The following PROS1 variants were observed in gnomAD, a reference collection of about 807,000 sequenced individuals.
PROS1 encodes the protein vitamin K-dependent protein S.
A neutral mutation model predicts 75.9 loss-of-function variants in PROS1; 29 were observed. That is an observed-to-expected ratio of 0.38 (90% CI 0.28 to 0.52). The LOEUF (loss-of-function observed/expected upper bound fraction) is 0.52, where lower values mean the gene tolerates loss of function less well. Ranked by LOEUF, PROS1 falls within the 20% of genes least tolerant of loss-of-function variation. The probability of loss-of-function intolerance (pLI) is 0.83; values close to 1 mark genes in which losing one functional copy is unlikely to be tolerated. For missense variants in PROS1, 680 were observed against 810.3 expected (o/e 0.84, Z 1.95); for synonymous variants, 245 against 280.6 (o/e 0.87, Z 1.27).
intron 10 of PROS1, among the ~76,000 whole-genome samples, chr3:93,888,030 T>A (rs181987063): frequency 3.3e-5 from 5 of 152,340 alleles, no homozygotes; most frequent in Admixed American, 3.3e-4. Context: ...CTTTTGAACA[T>A]CACTGCTAGG....
intron 1 of PROS1, among the ~76,000 whole-genome samples, chr3:93,935,267 C>T (rs1474272523): frequency 6.6e-6 from 1 of 152,038 alleles, no homozygotes; most frequent in Admixed American, 6.6e-5. Flanking sequence ...CCTAATGCTA[C>T]AACAGGAGGT....
chr3:93,917,263 GTTTTTGTTTTTT>G (rs1185661864), intron 3 of PROS1, among the ~76,000 whole-genome samples: 1 of 150,174 alleles, frequency 6.7e-6, no homozygotes, highest in African/African-American at 2.4e-5. Flanking sequence ...GGGTTATGTG[GTTTTTGTTTTTT>G]TGTTTGTTTG....
chr3:93,949,210 G>A (rs550425769), intron 1 of PROS1, among the ~76,000 whole-genome samples: 1 of 152,328 alleles, frequency 6.6e-6, no homozygotes, highest in South Asian at 2.1e-4. Flanking sequence ...ATTAGGCAGT[G>A]CCACACCACA....
chr3:93,949,356 C>T (rs559198638), intron 1 of PROS1, among the ~76,000 whole-genome samples: 30 of 152,274 alleles, frequency 2.0e-4, no homozygotes, highest in African/African-American at 7.0e-4. Flanking sequence ...CCCCACTTAC[C>T]ACATTTGGCA....
intron 12 of PROS1, among the ~76,000 whole-genome samples, chr3:93,882,748 T>G (rs1321459596): frequency 1.3e-5 from 2 of 152,148 alleles, no homozygotes; most frequent in Non-Finnish European, 2.9e-5. Context: ...GACCTTACCA[T>G]GCACTCAAGA....
chr3:93,903,879 T>C (rs1252837735), intron 6 of PROS1, among the ~76,000 whole-genome samples: 1 of 151,786 alleles, frequency 6.6e-6, no homozygotes, highest in Non-Finnish European at 1.5e-5. Context: ...GTTAGTTACA[T>C]ATGTATACAT....
intron 1 of PROS1, among the ~76,000 whole-genome samples, chr3:93,947,373 G>A (rs1288990150): frequency 2.0e-5 from 3 of 151,948 alleles, no homozygotes; most frequent in African/African-American, 7.2e-5. Context: ...TCCCTCTTCT[G>A]TTTGCAGAAG....
At chr3:93,944,756 C>A (rs543856109) in intron 1 of PROS1, among the ~76,000 whole-genome samples, 3 of 152,050 alleles carry the variant, frequency 2.0e-5, no homozygotes, top group African/African-American at 7.2e-5. Context: ...ACTAGAGAAG[C>A]AAGAGCAAAC....
intron 4 of PROS1, among the ~76,000 whole-genome samples, chr3:93,909,192 C>T (rs1034129223): frequency 5.3e-5 from 8 of 152,084 alleles, no homozygotes; most frequent in Non-Finnish European, 8.8e-5. Flanking sequence ...AATCCTAGCA[C>T]TTTGGGAGGC....
intron 3 of PROS1, among the ~76,000 whole-genome samples, chr3:93,918,922 G>A (rs749007222): frequency 6.6e-6 from 1 of 151,682 alleles, no homozygotes; most frequent in South Asian, 2.1e-4. Context: ...TTTTTTTCAC[G>A]TGTGTAAATG....
intron 2 of PROS1, among the ~76,000 whole-genome samples, chr3:93,925,323 C>T (rs191480065): frequency 6.6e-6 from 1 of 152,144 alleles, no homozygotes; most frequent in Admixed American, 6.5e-5. Context: ...AGGCCTCATT[C>T]TTTCCTCCTC....
At chr3:93,901,750 T>G (rs1708597978) in intron 6 of PROS1, among the ~76,000 whole-genome samples, 1 of 152,340 alleles carries the variant, frequency 6.6e-6, no homozygotes, top group Admixed American at 6.5e-5. Context: ...AGTTCCCTTG[T>G]AGGAATTTTT....
chr3:93,891,019 C>T (rs764718059), intron 10 of PROS1, among the ~76,000 whole-genome samples: 4 of 152,144 alleles, frequency 2.6e-5, no homozygotes, highest in Non-Finnish European at 4.4e-5. Context: ...ACAAGAGAAT[C>T]ACCTGAACCC....
At chr3:93,948,228 A>T (rs895172805) in intron 1 of PROS1, among the ~76,000 whole-genome samples, 1 of 152,202 alleles carries the variant, frequency 6.6e-6, no homozygotes, top group African/African-American at 2.4e-5. Flanking sequence ...AAAACATTTT[A>T]AAATCTGTAG....
intron 1 of PROS1, among the ~76,000 whole-genome samples, chr3:93,932,361 G>A (rs1709118735): frequency 6.6e-6 from 1 of 152,136 alleles, no homozygotes; most frequent in Admixed American, 6.5e-5. Context: ...TCCTCTTTTT[G>A]TATTAGCACA....
intron 10 of PROS1, among the ~76,000 whole-genome samples, chr3:93,886,970 C>G (rs1315870192): frequency 6.7e-6 from 1 of 148,758 alleles, no homozygotes; most frequent in African/African-American, 2.5e-5. Context: ...AGACTGCGGA[C>G]TGCAGTGGCG....
intron 3 of PROS1, chr3:93,911,237 C>G (rs1372462581): frequency 6.5e-6 from 1 of 154,328 alleles, no homozygotes; most frequent in Admixed American, 6.4e-5. Context: ...TCATTCTTCA[C>G]TACAACCCTG....
At chr3:93,876,377 A>G (rs1486946594) in intron 14 of PROS1, among the ~76,000 whole-genome samples, 1 of 152,112 alleles carries the variant, frequency 6.6e-6, no homozygotes, top group Non-Finnish European at 1.5e-5. Context: ...TCGCAAGGTC[A>G]GGAGATCAAG....
chr3:93,922,433 G>A (rs1708956872), intron 3 of PROS1, among the ~76,000 whole-genome samples: 1 of 152,084 alleles, frequency 6.6e-6, no homozygotes, highest in Non-Finnish European at 1.5e-5. Context: ...TTACAAAAGA[G>A]AAGAACACAA....
Sources: gnomAD v4.1 joint callset for allele counts (sites outside exome capture counted in the v4.1 genomes callset) on GRCh38, gnomAD v4.1.1 for gene constraint, MANE v1.5 for transcripts, NCBI Gene and HGNC (gene_info 2026-07-23, HGNC 2026-07-21) for gene names.